PATJ: variants seen among roughly 807,000 people sequenced by gnomAD.
PATJ encodes the protein PATJ crumbs cell polarity complex component.
Under a neutral mutation model 224.9 loss-of-function variants are expected in PATJ, and 190 were observed. The observed-to-expected ratio is 0.84, with a 90% CI of 0.75 to 0.95. The LOEUF (loss-of-function observed/expected upper bound fraction) is 0.95. Among genes scored for constraint, PATJ ranks in the 40% least tolerant of loss-of-function variants. PATJ has a pLI of 0.00. For synonymous variants in PATJ, 769 were observed against 820.3 expected (o/e 0.94, Z 1.07); for missense variants, 2,121 against 2,270.3 (o/e 0.93, Z 1.34).
intron 21 of PATJ, among the ~76,000 whole-genome samples, chr1:61,878,307 A>G (rs7553245): frequency 0.85 from 129,590 of 151,970 alleles, 55,409 homozygotes; most frequent in Admixed American, 0.9. Context: ...TGATTGTCAT[A>G]TGGGAATGGA....
At chr1:61,750,751 G>A (rs1175942594) in intron 1 of PATJ, among the ~76,000 whole-genome samples, 18 of 151,402 alleles carry the variant, frequency 1.2e-4, no homozygotes, top group Non-Finnish European at 2.7e-4. Context: ...ATTTTTCGGC[G>A]CTTGTAATGA....
chr1:61,859,732 G>A (rs1664261408), intron 18 of PATJ, among the ~76,000 whole-genome samples: 1 of 152,074 alleles, frequency 6.6e-6, no homozygotes, highest in Non-Finnish European at 1.5e-5. Context: ...TGATTCTTCT[G>A]CCTCAGCCTC....
At chr1:62,128,292 T>C in intron 40 of PATJ, 198 bp downstream of exon 40, 1 of 531,028 alleles carries the variant, frequency 1.9e-6, no homozygotes, top group South Asian at 2.9e-5. Context: ...ATTATTTGTA[T>C]CAAAGCTTCT....
chr1:62,148,120 T>TAAAAAAAAAAAAAAAAAAAAAAAA, intron 41 of PATJ, among the ~76,000 whole-genome samples, 164 bp from the exon 42 acceptor site: 1 of 108,498 alleles, frequency 9.2e-6, no homozygotes, highest in Non-Finnish European at 1.9e-5. Context: ...GACACTGTCT[T>TAAAAAAAAAAAAAAAAAAAAAAAA]TAAAAAAAAA....
chr1:61,785,573 G>T (rs956827980), intron 7 of PATJ, among the ~76,000 whole-genome samples: 1 of 152,290 alleles, frequency 6.6e-6, no homozygotes, highest in Admixed American at 6.5e-5. Context: ...AAGTGATTTT[G>T]AACCTGTAAG....
chr1:61,856,956 G>C (rs1004214591), intron 18 of PATJ, among the ~76,000 whole-genome samples: 1 of 152,094 alleles, frequency 6.6e-6, no homozygotes, highest in Admixed American at 6.5e-5. Flanking sequence ...TGTCAAGATG[G>C]TATGATAAGT....
chr1:62,022,798 G>C (rs1297740017), intron 29 of PATJ, among the ~76,000 whole-genome samples: 1 of 152,204 alleles, frequency 6.6e-6, no homozygotes, highest in African/African-American at 2.4e-5. Context: ...AAGCCCCACT[G>C]AGTAAAAGTG....
intron 34 of PATJ, among the ~76,000 whole-genome samples, chr1:62,109,741 T>TCTTGTATCTTGTG (rs1344199467): frequency 2.6e-5 from 4 of 152,278 alleles, no homozygotes; most frequent in African/African-American, 9.6e-5. Flanking sequence ...GATACTTATA[T>TCTTGTATCTTGTG]GATTTCTAAG....
At chr1:62,136,648 CGTGT>C (rs1297199171) in intron 41 of PATJ, among the ~76,000 whole-genome samples, 5 of 71,232 alleles carry the variant, frequency 7.0e-5, no homozygotes, top group Non-Finnish European at 1.4e-4. Flanking sequence ...TTATGTTTTG[CGTGT>C]GTGTGTGTGT....
intron 32 of PATJ, among the ~76,000 whole-genome samples, chr1:62,081,915 C>A (rs557010774): frequency 6.6e-6 from 1 of 152,158 alleles, no homozygotes; most frequent in Admixed American, 6.5e-5. Flanking sequence ...GTGCCACTAT[C>A]GTACGTCATT....
chr1:61,772,564 G>A (rs528299050), intron 6 of PATJ, among the ~76,000 whole-genome samples: 2 of 151,678 alleles, frequency 1.3e-5, no homozygotes, highest in South Asian at 4.2e-4. Context: ...TTATTCATTG[G>A]GACAAAAGAA....
chr1:61,990,128 C>A, intron 27 of PATJ, 40 bp from the exon 28 acceptor site: 3 of 1,350,858 alleles, frequency 2.2e-6, no homozygotes, highest in South Asian at 2.6e-5. Flanking sequence ...TAATACAGAT[C>A]AAGCTACTCT....
chr1:62,128,227 A>G, intron 40 of PATJ, 133 bp downstream of exon 40: 2 of 813,084 alleles, frequency 2.5e-6, no homozygotes, highest in Non-Finnish European at 3.9e-6. Flanking sequence ...AAGATGCATT[A>G]GATAAACTTG....
intron 25 of PATJ, among the ~76,000 whole-genome samples, chr1:61,910,836 T>A (rs1672530285): frequency 2.0e-5 from 3 of 151,974 alleles, no homozygotes; most frequent in African/African-American, 7.2e-5. Context: ...CATGAGCCAC[T>A]GCACCTGGAC....
intron 27 of PATJ, among the ~76,000 whole-genome samples, chr1:61,981,433 C>G (rs923972432): frequency 1.3e-5 from 2 of 151,980 alleles, no homozygotes; most frequent in Non-Finnish European, 1.5e-5. Context: ...TTTTTCCTCA[C>G]CCATTGCAAG....
Position 62,128,230 on chromosome 1 carries a change from T to C in PATJ, c.5166+136T>C, listed in dbSNP as rs1191914686. On this transcript the variant is annotated intron_variant, in intron 40 of 43. Coordinates refer to ENST00000642238, the MANE Select transcript of PATJ (RefSeq NM_001350145.3). ...CAGGCTGAGGGCAAGATGCATTAGA[T>C]AAACTTGATACCTTTAGAAATTCAT... The C allele has an allele frequency of 9.1e-6, 7 of 768,014 alleles. No homozygotes were observed. In the East Asian group the frequency reaches 1.8e-4, roughly 20 times the overall value. 47.6% of individuals were successfully genotyped at this position (768,014 alleles called of 1,614,324 possible). A position where few individuals can be genotyped will look rare whatever the true frequency, so the allele number is the denominator to read the frequency against.
In PATJ at chr1:61,899,559, AT is replaced by A. The variant is rs753301515; in HGVS notation, c.3132-17del. 3.2e-6 allele frequency: 5 copies of A among 1,556,934 alleles called. No individual in the cohort carries two copies. The South Asian group carries it at 4.6e-5, about 14-fold the overall frequency. On this transcript the variant is annotated intron_variant, in intron 22 of 43. Coordinates refer to ENST00000642238, the MANE Select transcript of PATJ (RefSeq NM_001350145.3). ...ATGAGTATGCCCTAAAATTGTGTGT[AT>A]TTTTTTCTTTCTCCCTCTGTAGTGA...
chr1:62,082,787 GA>G, intron 32 of PATJ, among the ~76,000 whole-genome samples: 3 of 152,100 alleles, frequency 2.0e-5, no homozygotes, highest in Non-Finnish European at 4.4e-5. Context: ...TTTTTCTTTT[GA>G]TTTTTTTTCA....
intron 1 of PATJ, among the ~76,000 whole-genome samples, chr1:61,755,219 G>A (rs999726691): frequency 1.9e-4 from 29 of 150,912 alleles, no homozygotes; most frequent in African/African-American, 6.8e-4. Flanking sequence ...TGAGGCAGGA[G>A]AATGGTGTGA....
Sources: allele counts gnomAD v4.1 joint callset (sites outside exome capture counted in the v4.1 genomes callset), GRCh38; gene constraint gnomAD v4.1.1; transcripts MANE v1.5; gene names NCBI Gene and HGNC (gene_info 2026-07-23, HGNC 2026-07-21).